The following DACH2 variants were observed in gnomAD, a reference collection of about 807,000 sequenced individuals.
The protein encoded by DACH2 is dachshund family transcription factor 2, also known as dachshund homolog 2.
In DACH2, 17 loss-of-function variants were observed where a neutral mutation model predicts 35.8. The ratio of observed to expected loss-of-function variants is 0.48; its 90% CI spans 0.33 to 0.71. The LOEUF (loss-of-function observed/expected upper bound fraction) is 0.71, where lower values mean the gene tolerates loss of function less well. DACH2 is among the 30% of genes least tolerant of loss of function. The pLI is 0.02. For missense variants in DACH2, 469 were observed against 472.7 expected, an observed-to-expected ratio of 0.99 and a Z score of 0.07; for synonymous variants, 195 against 177.3, an observed-to-expected ratio of 1.10 and a Z score of -0.79.
intron 1 of DACH2, chrX:86,160,543 A>G: frequency 3.8e-6 from 2 of 522,927 alleles, no homozygotes; most frequent in Non-Finnish European, 7.0e-6. Flanking sequence ...AATCCAGTAC[A>G]GGAGTATAGC....
intron 3 of DACH2, among the ~76,000 whole-genome samples, chrX:86,594,845 C>A (rs1007830664): frequency 4.5e-5 from 5 of 111,465 alleles, no homozygotes; most frequent in Non-Finnish European, 9.4e-5. Context: ...TTCTGTCGGC[C>A]AGGTCTGTGA....
intron 2 of DACH2, among the ~76,000 whole-genome samples, chrX:86,381,057 C>T (rs940179907): frequency 9.1e-5 from 10 of 109,553 alleles, no homozygotes; most frequent in African/African-American, 3.3e-4. Context: ...CTGTAATGGT[C>T]ATGTCTTGCA....
chrX:86,659,672 T>A (rs1476996401), intron 4 of DACH2, among the ~76,000 whole-genome samples: 2 of 111,690 alleles, frequency 1.8e-5, no homozygotes, highest in African/African-American at 6.5e-5. Flanking sequence ...ATGTTTCTGG[T>A]TTTTTGTACA....
At chrX:86,441,668 G>T (rs1402123577) in intron 2 of DACH2, among the ~76,000 whole-genome samples, 1 of 109,736 alleles carries the variant, frequency 9.1e-6, no homozygotes, top group South Asian at 3.8e-4. Flanking sequence ...ACCTAGTAGT[G>T]AGATTGCTGG....
At chrX:86,570,956 T>C (rs1314275489) in intron 3 of DACH2, among the ~76,000 whole-genome samples, 2 of 111,436 alleles carry the variant, frequency 1.8e-5, no homozygotes, top group Non-Finnish European at 3.8e-5. Flanking sequence ...TGAATTACAT[T>C]ATATCAAATT....
In DACH2 at chrX:86,739,769, C is replaced by A; in HGVS notation, c.1127C>A (p.Ser376Tyr). 8.5e-7 allele frequency: 1 copy of A among 1,180,033 alleles called. No individual in the cohort carries two copies. Among genetic ancestry groups the A allele is most frequent in the Non-Finnish European group, 1.1e-6 (1 of 879,164 alleles). Residue 376 changes from serine to tyrosine, a missense_variant, in exon 7 of 12, where the codon TCT (serine) becomes TAT (tyrosine). By Grantham distance (144) the Ser-to-Tyr change is moderately radical. This residue lies in a region of DACH2 where 363 missense variants were observed against 334.4 expected (regional missense o/e 1.09). Coordinates refer to ENST00000373125, the MANE Select transcript of DACH2 (RefSeq NM_053281.3). The part of the protein sequence containing the change: ...VIKERIPESP[S>Y]PAPSLEENHR... ...CAGGAGCGGATCCCAGAGAGTCCTT[C>A]TCCTGCTCCTTCTCTAGAAGAGAAT...
intron 4 of DACH2, among the ~76,000 whole-genome samples, chrX:86,680,885 C>T (rs1245046039): frequency 1.8e-5 from 2 of 110,347 alleles, no homozygotes; most frequent in East Asian, 5.7e-4. Flanking sequence ...ACCCCTTGGC[C>T]TTAAGCAATC....
Position 86,148,593 on chromosome X carries a change from G to A in DACH2, c.-28G>A. ...AGTCAGGGCGAGAAAGCGAGGGCCGGAGGACCCACGATAGAGACAGAGTGA... is the reference window on the plus strand; with the variant it reads ...AGTCAGGGCGAGAAAGCGAGGGCCGAAGGACCCACGATAGAGACAGAGTGA... On this transcript the variant is annotated 5_prime_UTR_variant, in exon 1 of 12. Transcript: ENST00000373125. The A allele has an allele frequency of 8.8e-7, 1 of 1,133,410 alleles. No individual in the cohort carries two copies. 93.4% of individuals were successfully genotyped at this position (1,133,410 alleles called of 1,213,427 possible).
At chrX:86,636,549 A>G (rs2040268122) in intron 3 of DACH2, among the ~76,000 whole-genome samples, 1 of 111,480 alleles carries the variant, frequency 9.0e-6, no homozygotes, top group Non-Finnish European at 1.9e-5. Flanking sequence ...GCCCAGAAAT[A>G]AGGCCACACG....
chrX:86,438,620 T>G (rs900065971), intron 2 of DACH2, among the ~76,000 whole-genome samples: 6 of 112,355 alleles, frequency 5.3e-5, no homozygotes, highest in Non-Finnish European at 9.4e-5. Flanking sequence ...TTTAGGTTGA[T>G]TCCATGTATT....
intron 3 of DACH2, among the ~76,000 whole-genome samples, chrX:86,563,043 C>T (rs978152747): frequency 9.0e-6 from 1 of 110,739 alleles, no homozygotes; most frequent in African/African-American, 3.3e-5. Context: ...TTTTGCTGCA[C>T]TAGACTTAGA....
At chrX:86,294,400 G>C (rs996776731) in intron 1 of DACH2, among the ~76,000 whole-genome samples, 1 of 109,219 alleles carries the variant, frequency 9.2e-6, no homozygotes, top group Non-Finnish European at 1.9e-5. Context: ...TAATTTGATC[G>C]TCTGAAGCCT....
chrX:86,735,979 T>G (rs1243538728), intron 6 of DACH2, among the ~76,000 whole-genome samples: 1 of 111,613 alleles, frequency 9.0e-6, no homozygotes, highest in Non-Finnish European at 1.9e-5. Flanking sequence ...AAATTTTAAC[T>G]AGGCTGAGAC....
chrX:86,213,229 G>A (rs2032488633), intron 1 of DACH2, among the ~76,000 whole-genome samples: 3 of 111,378 alleles, frequency 2.7e-5, no homozygotes, highest in Admixed American at 9.6e-5. Flanking sequence ...GGTAGCGTAG[G>A]CCCTCGCCTA....
chrX:86,467,900 G>A (rs1456224891), intron 2 of DACH2, among the ~76,000 whole-genome samples: 2 of 111,405 alleles, frequency 1.8e-5, no homozygotes, highest in Non-Finnish European at 3.8e-5. Context: ...ACTGTCATGA[G>A]AAGAGCACGG....
chrX:86,801,500 C>A (rs2147337118), intron 7 of DACH2, among the ~76,000 whole-genome samples: 1 of 112,110 alleles, frequency 8.9e-6, no homozygotes. Flanking sequence ...AAGGAGATGA[C>A]TAATGAAAAC....
At chrX:86,719,805 T>G (rs1450375609) in intron 6 of DACH2, among the ~76,000 whole-genome samples, 1 of 110,566 alleles carries the variant, frequency 9.0e-6, no homozygotes, top group African/African-American at 3.3e-5. Context: ...CAAGGTGAGA[T>G]TTGGGTGGGG....
chrX:86,591,855 T>G lies in DACH2; in HGVS notation c.641-59181T>G, dbSNP rs2039651619. Among the ~76,000 whole-genome samples, 3 of 111,334 alleles carry G rather than the reference T, an allele frequency of 2.7e-5. No individual in the cohort carries two copies. In the South Asian group the frequency reaches 1.1e-3, roughly 42 times the overall value. ...CCGGCTTCTTTGGCTAAATTTTTAA[T>G]TTGATTGTTTATTTTCTTATTGTTG... On this transcript the variant is annotated intron_variant, in intron 3 of 11. Transcript: ENST00000373125.
intron 1 of DACH2, among the ~76,000 whole-genome samples, chrX:86,183,017 A>G (rs1452068172): frequency 8.9e-6 from 1 of 111,821 alleles, no homozygotes; most frequent in African/African-American, 3.3e-5. Flanking sequence ...ATTTTTGCAC[A>G]TTGTGATTTT....
Sources: allele counts gnomAD v4.1 joint callset (sites outside exome capture counted in the v4.1 genomes callset), GRCh38; gene constraint gnomAD v4.1.1; regional missense constraint gnomAD v4.1.1; transcripts MANE v1.5; gene names NCBI Gene and HGNC (gene_info 2026-07-23, HGNC 2026-07-21).